The following FER1L6 variants were observed in gnomAD, a reference collection of about 807,000 sequenced individuals.
The protein encoded by FER1L6 is fer-1 like family member 6.
FER1L6 carries 177 observed loss-of-function variants against 219.2 expected under a neutral mutation model. The ratio of observed to expected loss-of-function variants is 0.81; its 90% CI spans 0.71 to 0.91. The LOEUF is 0.91. FER1L6 is among the 40% of genes least tolerant of loss of function. The pLI is 0.00. For missense variants in FER1L6, 2,153 were observed against 2,259.9 expected (o/e 0.95, Z 0.96); for synonymous variants, 768 against 824.3 (o/e 0.93, Z 1.17).
chr8:123,918,535 T>C (rs1224208970), intron 1 of FER1L6, among the ~76,000 whole-genome samples: 1 of 152,166 alleles, frequency 6.6e-6, no homozygotes, highest in African/African-American at 2.4e-5. Context: ...TTTTAAACTT[T>C]AATTTGTATT....
intron 12 of FER1L6, among the ~76,000 whole-genome samples, chr8:123,991,904 T>C (rs956593143): frequency 6.6e-6 from 1 of 152,148 alleles, no homozygotes; most frequent in Non-Finnish European, 1.5e-5. Context: ...GGTTTTTTTT[T>C]AAATCATAAA....
Position 124,084,497 on chromosome 8 carries a change from T to C in FER1L6, c.4391+2039T>C, listed in dbSNP as rs1240969940. Among the ~76,000 whole-genome samples, 4 of 152,142 alleles carry C rather than the reference T, an allele frequency of 2.6e-5. No individual in the cohort carries two copies. The East Asian group carries it at 7.7e-4, about 29-fold the overall frequency. ...GGAATATTGAATTTCATCAAATGCT[T>C]TTTAAGTGTCAATTGAAATGATCAT... On this transcript the variant is annotated intron_variant, in intron 33 of 40. Transcript: ENST00000522917.
At chr8:123,865,946 T>A (rs1276237423) in intron 1 of FER1L6, among the ~76,000 whole-genome samples, 1 of 151,354 alleles carries the variant, frequency 6.6e-6, no homozygotes, top group Non-Finnish European at 1.5e-5. Context: ...GTCTTCTGCG[T>A]CGCTCACGCT....
intron 33 of FER1L6, among the ~76,000 whole-genome samples, chr8:124,087,174 C>T (rs1362845417): frequency 1.3e-5 from 2 of 151,956 alleles, no homozygotes; most frequent in Non-Finnish European, 2.9e-5. Context: ...ACTCTGATCT[C>T]TCTCTCTCTC....
At chr8:124,041,668 A>G (rs1343337455) in intron 20 of FER1L6, among the ~76,000 whole-genome samples, 2 of 152,206 alleles carry the variant, frequency 1.3e-5, no homozygotes, top group African/African-American at 4.8e-5. Flanking sequence ...AGAAAGGGTT[A>G]GTTCTACCTG....
intron 13 of FER1L6, among the ~76,000 whole-genome samples, chr8:124,006,674 T>G (rs1055335870): frequency 3.3e-5 from 5 of 152,160 alleles, no homozygotes. Context: ...GAATAAGATA[T>G]CCAATGACAG....
At chr8:123,955,887 G>T in intron 1 of FER1L6, 105 bp from the exon 2 acceptor site, 1 of 984,692 alleles carries the variant, frequency 1.0e-6, no homozygotes, top group Non-Finnish European at 1.5e-6. Flanking sequence ...TGGATGAGGA[G>T]GCTGGTGGGC....
intron 1 of FER1L6, among the ~76,000 whole-genome samples, chr8:123,870,126 G>T (rs1238523012): frequency 6.6e-6 from 1 of 152,192 alleles, no homozygotes; most frequent in Non-Finnish European, 1.5e-5. Flanking sequence ...TATTAGAATG[G>T]TTAAATCTAA....
intron 1 of FER1L6, among the ~76,000 whole-genome samples, chr8:123,858,435 A>T (rs533209654): frequency 6.6e-6 from 1 of 152,288 alleles, no homozygotes; most frequent in South Asian, 2.1e-4. Flanking sequence ...TATACCTGAA[A>T]TCCCAGTGGC....
rs754992350 is a variant in FER1L6, at chr8:124,097,305, A to G, written c.4730A>G (p.Lys1577Arg). The G allele has an allele frequency of 6.2e-7, 1 of 1,613,448 alleles. No homozygotes were observed. The highest frequency in any genetic ancestry group is 8.5e-7 in the Non-Finnish European group (1 of 1,179,602). The change falls in exon 36 of 41, where the codon AAG becomes AGG. Residue 1577 changes from lysine to arginine, a missense_variant. Lys to Arg is a conservative substitution (Grantham distance 26). Coordinates refer to ENST00000522917, the MANE Select transcript of FER1L6 (RefSeq NM_001039112.2). The stretch of plus-strand genomic sequence containing the variant: ...CAGATGTGGGTGGACATGTTTCCCA[A>G]GGATATGCCTCAACCTGGACCTCCT... Reference protein sequence around the residue: ...RLQMWVDMFPKDMPQPGPPVD... With the variant: ...RLQMWVDMFPRDMPQPGPPVD...
intron 22 of FER1L6, among the ~76,000 whole-genome samples, chr8:124,052,946 A>G (rs1422000832): frequency 1.3e-5 from 2 of 152,194 alleles, no homozygotes; most frequent in African/African-American, 4.8e-5. Context: ...TTTTAAAAAT[A>G]AAAGTGTCGA....
intron 1 of FER1L6, among the ~76,000 whole-genome samples, chr8:123,865,391 A>T (rs1235484602): frequency 2.7e-5 from 4 of 150,300 alleles, no homozygotes; most frequent in Non-Finnish European, 4.4e-5. Context: ...CAAAGCTGTC[A>T]GACAGGGACA....
At chr8:123,893,683 C>G (rs1045775314) in intron 1 of FER1L6, among the ~76,000 whole-genome samples, 1 of 152,144 alleles carries the variant, frequency 6.6e-6, no homozygotes, top group Middle Eastern at 3.4e-3. Context: ...ATTATTTTCC[C>G]AGAGCTTTGA....
intron 5 of FER1L6, among the ~76,000 whole-genome samples, chr8:123,969,616 C>T (rs1200829124): frequency 6.6e-6 from 1 of 152,050 alleles, no homozygotes; most frequent in Non-Finnish European, 1.5e-5. Flanking sequence ...ATTACTGACA[C>T]ATATCCTATG....
intron 18 of FER1L6, among the ~76,000 whole-genome samples, chr8:124,032,182 T>G (rs1247253276): frequency 6.6e-6 from 1 of 152,184 alleles, no homozygotes; most frequent in Non-Finnish European, 1.5e-5. Flanking sequence ...CCCAGCACTT[T>G]GGGAGGCCGA....
rs1022777346 is a variant in FER1L6 at position 124,022,704 on chromosome 8, A to C, written c.2134-740A>C. Among the ~76,000 whole-genome samples, 7 of 152,290 alleles carry C rather than the reference A, an allele frequency of 4.6e-5. 1 individual carries two copies. In the South Asian group the frequency reaches 1.5e-3, roughly 32 times the overall value. On this transcript the variant is annotated intron_variant, in intron 17 of 40. Transcript: ENST00000522917. ...CATAGATTTTTGTTTTTGTTGTTTC[A>C]TTTGAATATTCTGGAAATGTTATCT...
rs562569977 is a variant in FER1L6 at position 123,977,593 on chromosome 8, A to ACAG, written c.1048_1050dup (p.Gln350dup). The stretch of plus-strand genomic sequence containing the variant: ...TTGACCTGAAGAAAATCTCCAACGA[A>ACAG]CAGGATGGAGACAAAGGTAAAGTCC... On this transcript the variant is annotated inframe_insertion, in exon 10 of 41. Coordinates refer to ENST00000522917, the MANE Select transcript of FER1L6 (RefSeq NM_001039112.2). 83 of 1,614,058 alleles carry ACAG rather than the reference A, an allele frequency of 5.1e-5. No homozygotes were observed. In the African/African-American group the frequency reaches 1.0e-3, roughly 19 times the overall value.
intron 17 of FER1L6, 31 bp from the exon 18 acceptor site, chr8:124,023,413 T>C (rs770601954): frequency 1.1e-5 from 18 of 1,603,932 alleles, no homozygotes; most frequent in Non-Finnish European, 1.5e-5. Context: ...ATCCCATTCC[T>C]ATTCAATCCC....
chr8:123,986,048 A>G lies in FER1L6; in HGVS notation c.1411-20A>G. On this transcript the variant is annotated intron_variant, in intron 11 of 40. Coordinates refer to ENST00000522917, the MANE Select transcript of FER1L6 (RefSeq NM_001039112.2). Reference sequence around the variant, plus strand: ...GAGAAAAAGCCAGTTCTGCCTAATAATTTTGTTTTCTTTCTGTAGATTGTA... The same window carrying G: ...GAGAAAAAGCCAGTTCTGCCTAATAGTTTTGTTTTCTTTCTGTAGATTGTA... 1 of 1,431,102 alleles carries G rather than the reference A, an allele frequency of 7.0e-7. No individual in the cohort carries two copies. The allele number at this position is 1,431,102 out of a possible 1,614,324, so 88.7% of individuals were successfully genotyped here. A position where few individuals can be genotyped will look rare whatever the true frequency, so the allele number is the denominator to read the frequency against.
Sources: gnomAD v4.1 joint callset for allele counts (sites outside exome capture counted in the v4.1 genomes callset) on GRCh38, gnomAD v4.1.1 for gene constraint, MANE v1.5 for transcripts, NCBI Gene and HGNC (gene_info 2026-07-23, HGNC 2026-07-21) for gene names.